PDE4D: variants seen among roughly 807,000 people sequenced by gnomAD.
PDE4D encodes 3',5'-cyclic-AMP phosphodiesterase 4D.
In PDE4D, 24 loss-of-function variants were observed where a neutral mutation model predicts 87.4. That is an observed-to-expected ratio of 0.27 (90% confidence interval 0.20 to 0.39). PDE4D has a LOEUF of 0.39. PDE4D is among the 10% of genes least tolerant of loss of function. PDE4D has a pLI of 1.00. For synonymous variants in PDE4D, 384 were observed against 383.2 expected (o/e 1.00, Z -0.02); for missense variants, 714 against 1,041.0 (o/e 0.69, Z 4.32).
intron 5 of PDE4D, among the ~76,000 whole-genome samples, chr5:59,081,381 T>C (rs1162073238): frequency 1.3e-5 from 2 of 152,102 alleles, no homozygotes; most frequent in Non-Finnish European, 2.9e-5. Flanking sequence ...TTATGCTTTC[T>C]ATAATTATAT....
chr5:59,815,624 A>G (rs1437821305), intron 1 of PDE4D, among the ~76,000 whole-genome samples: 1 of 152,230 alleles, frequency 6.6e-6, no homozygotes, highest in Non-Finnish European at 1.5e-5. Context: ...AGTGCCATGC[A>G]ATTGTTAGCT....
intron 1 of PDE4D, among the ~76,000 whole-genome samples, chr5:60,503,901 C>T (rs1451667533): frequency 6.6e-6 from 1 of 152,152 alleles, no homozygotes; most frequent in East Asian, 1.9e-4. Context: ...AGATGTGTTT[C>T]TTGACCTTTG....
intron 1 of PDE4D, among the ~76,000 whole-genome samples, chr5:59,576,825 A>T (rs1163598104): frequency 1.3e-5 from 2 of 152,168 alleles, no homozygotes; most frequent in African/African-American, 4.8e-5. Flanking sequence ...ATTTTCTAAA[A>T]AATAGGACTT....
Position 58,990,724 on chromosome 5 carries a change from A to C in PDE4D, c.1287+80T>G. On this transcript the variant is annotated intron_variant, in intron 9 of 14. Transcript: ENST00000340635. Reference sequence around the variant, plus strand: ...AGCAAAAGGTGGGGAATATTAAAAAAGACAAAATGTATGCATAAGCTACAG... The same window carrying C: ...AGCAAAAGGTGGGGAATATTAAAAACGACAAAATGTATGCATAAGCTACAG... 5.3e-6 allele frequency: 4 copies of C among 756,212 alleles called. No individual in the cohort carries two copies. The South Asian group carries it at 6.9e-5, about 13-fold the overall frequency. 46.8% of individuals were successfully genotyped at this position (756,212 alleles called of 1,614,324 possible).
chr5:60,102,447 G>A (rs189752920), intron 2 of PDE4D, among the ~76,000 whole-genome samples: 435 of 152,156 alleles, frequency 2.9e-3, no homozygotes, highest in Middle Eastern at 0.014. Context: ...GAGAGTAGGG[G>A]AGAGAATTCA....
chr5:60,505,619 G>A (rs186853364), intron 1 of PDE4D, among the ~76,000 whole-genome samples: 20 of 152,292 alleles, frequency 1.3e-4, no homozygotes, highest in African/African-American at 4.8e-4. Context: ...CAGTGCTGAC[G>A]GATATACCCT....
intron 2 of PDE4D, among the ~76,000 whole-genome samples, chr5:60,078,267 T>A (rs1410901553): frequency 6.6e-6 from 1 of 152,178 alleles, no homozygotes. Context: ...TCTAGGTGAG[T>A]CTGCTAAATT....
intron 5 of PDE4D, among the ~76,000 whole-genome samples, chr5:59,070,763 A>C (rs1326333526): frequency 6.6e-6 from 1 of 152,176 alleles, no homozygotes; most frequent in East Asian, 1.9e-4. Flanking sequence ...ATTCAATCCC[A>C]AACTTTTCCC....
At chr5:59,668,822 GAAGAA>G (rs1561440879) in intron 1 of PDE4D, among the ~76,000 whole-genome samples, 4 of 95,764 alleles carry the variant, frequency 4.2e-5, no homozygotes, top group East Asian at 3.2e-4. Context: ...AGAAGAAGAA[GAAGAA>G]GAAGAGGAAG....
At chr5:59,687,465 G>A (rs1455620953) in intron 1 of PDE4D, among the ~76,000 whole-genome samples, 1 of 152,092 alleles carries the variant, frequency 6.6e-6, no homozygotes, top group Non-Finnish European at 1.5e-5. Flanking sequence ...TTCATATCCA[G>A]CCAAACTAAG....
chr5:59,517,249 C>T (rs932768326), intron 1 of PDE4D, among the ~76,000 whole-genome samples: 1 of 152,210 alleles, frequency 6.6e-6, no homozygotes, highest in African/African-American at 2.4e-5. Context: ...CTAGCCAGCA[C>T]TGAAAACTTC....
In PDE4D at chr5:59,214,032, TCACACACACACACA is replaced by T. The variant is rs199738839; in HGVS notation, c.647+1731_647+1744del. Among the ~76,000 whole-genome samples, 83 of 132,774 alleles carry T rather than the reference TCACACACACACACA, an allele frequency of 6.3e-4. 2 individuals are homozygous for T. The South Asian group carries it at 9.0e-3, about 14-fold the overall frequency. The allele number at this position is 132,774 out of a possible 152,430, so 87.1% of individuals were successfully genotyped here. A position where few individuals can be genotyped will look rare whatever the true frequency, so the allele number is the denominator to read the frequency against. On this transcript the variant is annotated intron_variant, in intron 2 of 14. Coordinates refer to ENST00000340635, the MANE Select transcript of PDE4D (RefSeq NM_001104631.2). ...CTGTCCCCCAACATACATACATACT[TCACACACACACACA>T]CACACACACACACACACACACACAC...
chr5:59,937,952 C>A (rs1756781622), intron 3 of PDE4D, among the ~76,000 whole-genome samples: 1 of 152,206 alleles, frequency 6.6e-6, no homozygotes, highest in African/African-American at 2.4e-5. Flanking sequence ...TTAACGGTTT[C>A]TCTCTACTCA....
chr5:60,188,541 C>A (rs1784961512), intron 1 of PDE4D: 1 of 152,264 alleles, frequency 6.6e-6, no homozygotes, highest in Non-Finnish European at 1.5e-5. Context: ...AGAAGTACAT[C>A]TGACTGGTCA....
At chr5:59,725,943 G>T (rs1189288331) in intron 1 of PDE4D, among the ~76,000 whole-genome samples, 2 of 151,960 alleles carry the variant, frequency 1.3e-5, no homozygotes, top group Non-Finnish European at 2.9e-5. Flanking sequence ...GTAAACTTCT[G>T]AGTCTCAATT....
At chr5:59,799,132 G>A (rs1355240072) in intron 1 of PDE4D, among the ~76,000 whole-genome samples, 1 of 152,114 alleles carries the variant, frequency 6.6e-6, no homozygotes, top group Admixed American at 6.5e-5. Flanking sequence ...CAGAAACAAG[G>A]CTTCCTGTTG....
chr5:60,109,518 C>G (rs1043931330), intron 2 of PDE4D, among the ~76,000 whole-genome samples: 6 of 151,142 alleles, frequency 4.0e-5, no homozygotes, highest in African/African-American at 1.5e-4. Context: ...TGGGTATATA[C>G]CCAAAGGACT....
At chr5:60,142,109 G>C (rs964739215) in intron 2 of PDE4D, among the ~76,000 whole-genome samples, 2 of 151,554 alleles carry the variant, frequency 1.3e-5, no homozygotes, top group Admixed American at 1.3e-4. Context: ...CCTAGAAACT[G>C]CATGGAAAAC....
intron 1 of PDE4D, among the ~76,000 whole-genome samples, chr5:59,393,693 G>A (rs1788698887): frequency 1.3e-5 from 2 of 152,132 alleles, no homozygotes; most frequent in African/African-American, 4.8e-5. Flanking sequence ...AAAGTAGTTT[G>A]ATCTGCTGGT....
Sources: gnomAD v4.1 joint callset for allele counts (sites outside exome capture counted in the v4.1 genomes callset) on GRCh38, gnomAD v4.1.1 for gene constraint, MANE v1.5 for transcripts, NCBI Gene and HGNC (gene_info 2026-07-23, HGNC 2026-07-21) for gene names.